The following URI1 variants were observed in gnomAD, a reference collection of about 807,000 sequenced individuals.
URI1 encodes the protein unconventional prefoldin RPB5 interactor 1.
In URI1, 39 loss-of-function variants were observed where a neutral mutation model predicts 60.2. That is an observed-to-expected ratio of 0.65 (90% CI 0.50 to 0.85). The LOEUF is 0.85. Ranked by LOEUF, URI1 falls within the 40% of genes least tolerant of loss-of-function variation. URI1 has a pLI of 0.00. For synonymous variants in URI1, 251 were observed against 236.8 expected (o/e 1.06, Z -0.55); for missense variants, 691 against 665.9 (o/e 1.04, Z -0.42).
At chr19:29,984,642 A>G (rs1198256727) in intron 2 of URI1, among the ~76,000 whole-genome samples, 1 of 152,208 alleles carries the variant, frequency 6.6e-6, no homozygotes, top group African/African-American at 2.4e-5. Context: ...TGGTAGAATA[A>G]TGCCATTGCT....
At chr19:29,952,171 T>C (rs2055188303) in intron 1 of URI1, among the ~76,000 whole-genome samples, 1 of 152,230 alleles carries the variant, frequency 6.6e-6, no homozygotes, top group Non-Finnish European at 1.5e-5. Context: ...AATTTACAGG[T>C]CTAAGAATAA....
At chr19:30,006,724 T>G (rs1477187069) in intron 6 of URI1, among the ~76,000 whole-genome samples, 6 of 152,102 alleles carry the variant, frequency 3.9e-5, no homozygotes, top group Admixed American at 1.3e-4. Context: ...ACAGGACGCA[T>G]CTTAGACTTC....
In URI1 at chr19:29,986,437, G is replaced by T. The variant is rs1234505509; in HGVS notation, c.367+20G>T. On this transcript the variant is annotated intron_variant, in intron 4 of 10. Coordinates refer to ENST00000392271, the MANE Select transcript of URI1 (RefSeq NM_003796.3). ...AAGAACGTAGGTACCCATTTTAAAT[G>T]ATGTTTCTTTGTTGTATATGTATCC... is the stretch of plus-strand genomic sequence containing the variant. 1.9e-6 allele frequency: 3 copies of T among 1,598,864 alleles called. No individual in the cohort carries two copies. The highest frequency in any genetic ancestry group is 2.5e-6 in the Non-Finnish European group (3 of 1,176,668).
chr19:29,928,491 T>A (rs1001178934), intron 1 of URI1, among the ~76,000 whole-genome samples: 1 of 152,098 alleles, frequency 6.6e-6, no homozygotes, highest in African/African-American at 2.4e-5. Flanking sequence ...TCCGCCCACT[T>A]GTTTCCATCT....
At chr19:29,942,973 G>T (rs185718839) in intron 1 of URI1, among the ~76,000 whole-genome samples, 1 of 152,308 alleles carries the variant, frequency 6.6e-6, no homozygotes, top group African/African-American at 2.4e-5. Context: ...AATATTTGTA[G>T]CTTGTAATGA....
chr19:30,015,482 A>G lies in URI1; in HGVS notation c.*413A>G. The G allele has an allele frequency of 6.6e-7, 1 of 1,525,496 alleles. No homozygotes were observed. Among genetic ancestry groups the G allele is most frequent in the Admixed American group, 2.1e-5 (1 of 48,198 alleles). 94.5% of individuals were successfully genotyped at this position (1,525,496 alleles called of 1,614,324 possible). On this transcript the variant is annotated 3_prime_UTR_variant, in exon 11 of 11. Coordinates refer to ENST00000392271, the MANE Select transcript of URI1 (RefSeq NM_003796.3). Reference sequence around the variant, plus strand: ...AATTTCAAATAGATTCAACAATTACATTACTTGCTTTCACATTTTAAAGGC... The same window carrying G: ...AATTTCAAATAGATTCAACAATTACGTTACTTGCTTTCACATTTTAAAGGC...
intron 4 of URI1, among the ~76,000 whole-genome samples, chr19:29,995,938 T>C (rs1194524274): frequency 1.3e-5 from 2 of 152,214 alleles, no homozygotes; most frequent in East Asian, 3.8e-4. Context: ...GTCTTATGTC[T>C]GAGCTTTGTA....
intron 1 of URI1, among the ~76,000 whole-genome samples, chr19:29,954,511 CTTTTT>C (rs11411965): frequency 8.6e-6 from 1 of 115,920 alleles, no homozygotes. Flanking sequence ...TACAGATAAA[CTTTTT>C]TTTTTTTTTT....
At position 29,958,819 on chromosome 19, in the gene URI1, G is replaced by A. The variant is rs531592477; in HGVS notation, c.118-12374G>A. 2.6e-5 allele frequency among the ~76,000 whole-genome samples: 4 copies of A among 152,048 alleles called. No homozygotes were observed. The South Asian group carries it at 8.3e-4, about 32-fold the overall frequency. ...TACAAAAAATACAAAAATAAGCTGG[G>A]TGTGGTGGCGGGGGCCTGTAATCCC... On this transcript the variant is annotated intron_variant, in intron 1 of 10. Transcript: ENST00000392271.
At chr19:29,967,684 T>C (rs1193092842) in intron 1 of URI1, among the ~76,000 whole-genome samples, 2 of 152,220 alleles carry the variant, frequency 1.3e-5, no homozygotes, top group Non-Finnish European at 2.9e-5. Flanking sequence ...ACCAGTGTTT[T>C]TCTGCTGTTA....
intron 4 of URI1, among the ~76,000 whole-genome samples, chr19:30,002,120 A>C (rs184522861): frequency 1.3e-5 from 2 of 152,168 alleles, no homozygotes; most frequent in East Asian, 3.9e-4. Flanking sequence ...GCTTCATACT[A>C]TTCAGTACAT....
intron 1 of URI1, among the ~76,000 whole-genome samples, chr19:29,962,316 ATTAAC>A (rs2055336215): frequency 8.0e-6 from 1 of 124,784 alleles, no homozygotes; most frequent in African/African-American, 3.0e-5. Flanking sequence ...ATTTCCTCCT[ATTAAC>A]TTGTTTGTGA....
chr19:29,924,337 T>C (rs552533976), intron 1 of URI1, among the ~76,000 whole-genome samples: 1 of 152,296 alleles, frequency 6.6e-6, no homozygotes, highest in Non-Finnish European at 1.5e-5. Flanking sequence ...GCTTGCGGAC[T>C]CACCTTTTAC....
chr19:30,015,053 T>C lies in URI1; in HGVS notation c.1592T>C (p.Leu531Ser), dbSNP rs185999361. ...KRVSKFKAAR[L>S]QQKD ...GTTTCAAAGTTTAAAGCTGCCAGAT[T>C]GCAACAGAAAGACTAGGCCCTGTCT... Residue 531 changes from leucine to serine, a missense_variant, in exon 11 of 11, where the codon TTG (leucine) becomes TCG (serine). Leu to Ser is a moderately radical substitution (Grantham distance 145, BLOSUM62 -2). Transcript: ENST00000392271. The C allele has an allele frequency of 3.3e-5, 54 of 1,613,416 alleles. No homozygotes were observed. The highest frequency in any genetic ancestry group is 4.2e-5 in the Non-Finnish European group (50 of 1,179,578).
intron 1 of URI1, among the ~76,000 whole-genome samples, chr19:29,928,322 AT>A (rs1354212967): frequency 6.6e-6 from 1 of 152,134 alleles, no homozygotes; most frequent in African/African-American, 2.4e-5. Flanking sequence ...ACGCCCAAGC[AT>A]TATTTTTCGG....
rs534038389 is a variant in URI1 at position 29,994,218 on chromosome 19, T to C, written c.367+7801T>C. ...TACACCTTTGCCAACCCAATGTGTTTGCAAACTTGTTTTGAAACTGATACC... is the reference window on the plus strand; with the variant it reads ...TACACCTTTGCCAACCCAATGTGTTCGCAAACTTGTTTTGAAACTGATACC... On this transcript the variant is annotated intron_variant, in intron 4 of 10. Coordinates refer to ENST00000392271, the MANE Select transcript of URI1 (RefSeq NM_003796.3). Among the ~76,000 whole-genome samples, 5 of 152,294 alleles carry C rather than the reference T, an allele frequency of 3.3e-5. No homozygotes were observed. In the South Asian group the frequency reaches 1.0e-3, roughly 32 times the overall value.
chr19:29,952,115 A>G (rs1447480242), intron 1 of URI1, among the ~76,000 whole-genome samples: 2 of 152,236 alleles, frequency 1.3e-5, no homozygotes, highest in Admixed American at 1.3e-4. Flanking sequence ...ATCTAGGTCC[A>G]GTGGATCCTG....
At chr19:30,005,067 T>A (rs918029935) in intron 4 of URI1, among the ~76,000 whole-genome samples, 7 of 152,016 alleles carry the variant, frequency 4.6e-5, no homozygotes, top group African/African-American at 1.4e-4. Flanking sequence ...AACTAGATAT[T>A]TATCCTATAG....
intron 1 of URI1, among the ~76,000 whole-genome samples, chr19:29,963,213 C>T (rs2055348551): frequency 6.6e-6 from 1 of 152,180 alleles, no homozygotes; most frequent in African/African-American, 2.4e-5. Flanking sequence ...ATTGCTTCTG[C>T]TGCATTCTCT....
Sources: gnomAD v4.1 joint callset for allele counts (sites outside exome capture counted in the v4.1 genomes callset) on GRCh38, gnomAD v4.1.1 for gene constraint, MANE v1.5 for transcripts, NCBI Gene and HGNC (gene_info 2026-07-23, HGNC 2026-07-21) for gene names.